The following WLS variants were observed in gnomAD, a reference collection of about 807,000 sequenced individuals.
The protein encoded by WLS is Wnt ligand secretion mediator.
WLS carries 23 observed loss-of-function variants against 62.8 expected under a neutral mutation model. That is an observed-to-expected ratio of 0.37 (90% CI 0.26 to 0.52). WLS has a LOEUF of 0.52. Among genes scored for constraint, WLS ranks in the 20% least tolerant of loss-of-function variants. The probability of loss-of-function intolerance (pLI) is 0.92; values close to 1 mark genes in which losing one functional copy is unlikely to be tolerated. For synonymous variants in WLS, 246 were observed against 244.1 expected (o/e 1.01, Z -0.07); for missense variants, 615 against 697.3 (o/e 0.88, Z 1.33).
chr1:68,126,201 C>G lies in WLS; in HGVS notation c.*25G>C. ...TAGAGGGGCTGGGGTATGGAGAGAC[C>G]GTCCCAGCCGGGCGCTGCAGCCTCC... is the stretch of plus-strand genomic sequence containing the variant. On this transcript the variant is annotated 3_prime_UTR_variant, in exon 12 of 12. Transcript: ENST00000262348. 3 of 1,613,188 alleles carry G rather than the reference C, an allele frequency of 1.9e-6. No homozygotes were observed. The highest frequency in any genetic ancestry group is 2.5e-6 in the Non-Finnish European group (3 of 1,179,620).
chr1:68,185,603 C>T (rs1048862243), intron 2 of WLS, among the ~76,000 whole-genome samples: 1 of 152,134 alleles, frequency 6.6e-6, no homozygotes, highest in Non-Finnish European at 1.5e-5. Context: ...GCTGCATGCT[C>T]CTTATGAGAA....
At chr1:68,143,956 C>T (rs1483727853) in intron 10 of WLS, among the ~76,000 whole-genome samples, 1 of 152,204 alleles carries the variant, frequency 6.6e-6, no homozygotes, top group African/African-American at 2.4e-5. Context: ...GCTAGGATAA[C>T]AATTCCTGCC....
At chr1:68,099,360 C>T (rs1033635296) in intron 11 of WLS, among the ~76,000 whole-genome samples, 3 of 152,164 alleles carry the variant, frequency 2.0e-5, no homozygotes, top group African/African-American at 7.2e-5. Context: ...GTATCTAAAA[C>T]GCACACTCCC....
chr1:68,231,530 C>A, intron 1 of WLS: 1 of 307,024 alleles, frequency 3.3e-6, no homozygotes, highest in South Asian at 2.7e-5. Flanking sequence ...CGGCGCTGGT[C>A]AAGGACTCCC....
chr1:68,129,159 A>G (rs1308397551), intron 11 of WLS, among the ~76,000 whole-genome samples: 1 of 152,096 alleles, frequency 6.6e-6, no homozygotes, highest in African/African-American at 2.4e-5. Flanking sequence ...CCCTGTCTCT[A>G]CTAAAATTAA....
intron 10 of WLS, among the ~76,000 whole-genome samples, chr1:68,138,644 C>G (rs1646646080): frequency 6.6e-6 from 1 of 152,132 alleles, no homozygotes; most frequent in Non-Finnish European, 1.5e-5. Context: ...CTGCTTTTGT[C>G]TGTGTTAATG....
At chr1:68,214,135 T>A (rs1239618276) in intron 1 of WLS, among the ~76,000 whole-genome samples, 3 of 151,858 alleles carry the variant, frequency 2.0e-5, no homozygotes, top group African/African-American at 7.3e-5. Flanking sequence ...CCAGGAATTG[T>A]CACTAATGAT....
chr1:68,109,714 G>A (rs750787350), intron 11 of WLS, among the ~76,000 whole-genome samples: 2 of 151,584 alleles, frequency 1.3e-5, no homozygotes, highest in South Asian at 2.1e-4. Context: ...TAAGAAAGAA[G>A]GATCAATAAT....
At chr1:68,120,774 C>T (rs934746692), downstream of WLS, among the ~76,000 whole-genome samples, 2 of 152,114 alleles carry the variant, frequency 1.3e-5, no homozygotes, top group Non-Finnish European at 2.9e-5. Flanking sequence ...GGAGAGAGGC[C>T]TAGGCCAAAG....
At chr1:68,103,050 C>T (rs926196844) in intron 11 of WLS, among the ~76,000 whole-genome samples, 2 of 152,196 alleles carry the variant, frequency 1.3e-5, no homozygotes, top group Non-Finnish European at 2.9e-5. Flanking sequence ...TATCTGACCC[C>T]AGTGGACCGG....
intron 11 of WLS, among the ~76,000 whole-genome samples, chr1:68,131,040 A>G (rs951381614): frequency 2.0e-5 from 3 of 148,314 alleles, no homozygotes; most frequent in African/African-American, 7.5e-5. Context: ...CTACAGGCGC[A>G]TGCCACCATG....
intron 2 of WLS, among the ~76,000 whole-genome samples, chr1:68,183,112 G>A (rs1647685186): frequency 6.6e-6 from 1 of 152,134 alleles, no homozygotes; most frequent in South Asian, 2.1e-4. Flanking sequence ...GGCTGGTCTT[G>A]AACTCCTGAC....
At chr1:68,162,165 C>A in intron 2 of WLS, 1 of 1,458,768 alleles carries the variant, frequency 6.9e-7, no homozygotes, top group Non-Finnish European at 9.6e-7. Flanking sequence ...CATCTTTCAA[C>A]GGACCCTGAG....
intron 5 of WLS, 33 bp from the exon 6 acceptor site, chr1:68,150,389 T>C (rs1378551853): frequency 2.5e-6 from 4 of 1,607,590 alleles, no homozygotes; most frequent in Non-Finnish European, 3.4e-6. Context: ...ACAGCCACTT[T>C]ATTCATCTGG....
intron 1 of WLS, among the ~76,000 whole-genome samples, chr1:68,218,555 G>A (rs1649824650): frequency 6.6e-6 from 1 of 152,210 alleles, no homozygotes; most frequent in African/African-American, 2.4e-5. Context: ...CACATTCTAG[G>A]TGTGTACTCT....
intron 2 of WLS, chr1:68,161,786 C>A: frequency 6.2e-7 from 1 of 1,601,218 alleles, no homozygotes. Context: ...CGATTGTCCC[C>A]GTGTTTTGTG....
At chr1:68,180,979 C>T (rs1647534230) in intron 2 of WLS, among the ~76,000 whole-genome samples, 1 of 152,222 alleles carries the variant, frequency 6.6e-6, no homozygotes, top group African/African-American at 2.4e-5. Context: ...TTTCTAGCAT[C>T]AGTGTGTAGA....
Position 68,155,258 on chromosome 1 carries a change from A to T in WLS, c.507T>A (p.Thr169=), listed in dbSNP as rs775435991. The change falls in exon 4 of 12, where the codon ACT becomes ACA. Residue 169 remains threonine (T), a splice_region_variant and synonymous_variant. Transcript: ENST00000262348. ...CATAGTAACGGCCCTCATGCTCTGG[A>T]GTCTGGAAAAAGAGCAGAGGGTTTG... The part of the protein sequence containing the change: ...KLKCTFTSPK[T]PEHEGRYYEC... The T allele has an allele frequency of 1.9e-6, 3 of 1,610,450 alleles. No individual in the cohort carries two copies. Among genetic ancestry groups the T allele is most frequent in the Non-Finnish European group, 2.5e-6 (3 of 1,178,190 alleles).
intron 11 of WLS, among the ~76,000 whole-genome samples, chr1:68,112,947 C>T (rs555029571): frequency 2.0e-5 from 3 of 152,296 alleles, no homozygotes; most frequent in South Asian, 4.1e-4. Context: ...GCAGTGAGAG[C>T]GTCAGAACAA....
Sources: gnomAD v4.1 joint callset for allele counts (sites outside exome capture counted in the v4.1 genomes callset) on GRCh38, gnomAD v4.1.1 for gene constraint, MANE v1.5 for transcripts, NCBI Gene and HGNC (gene_info 2026-07-23, HGNC 2026-07-21) for gene names.